The following WIPF3 variants were observed in gnomAD, a reference collection of about 807,000 sequenced individuals.
The protein encoded by WIPF3 is WAS/WASL interacting protein family member 3, also known as WAS/WASL-interacting protein family member 3.
WIPF3 carries 33 observed loss-of-function variants against 38.9 expected under a neutral mutation model. That is an observed-to-expected ratio of 0.85 (90% CI 0.64 to 1.14). WIPF3 has a LOEUF of 1.14. WIPF3 is among the 50% of genes most tolerant of loss of function. The probability of loss-of-function intolerance (pLI) is 0.00; values close to 1 mark genes in which losing one functional copy is unlikely to be tolerated. For synonymous variants in WIPF3, 324 were observed against 269.3 expected (o/e 1.20, Z -1.99); for missense variants, 711 against 652.5 (o/e 1.09, Z -0.98).
intron 7 of WIPF3, among the ~76,000 whole-genome samples, chr7:29,902,578 C>T (rs1474773031): frequency 6.6e-6 from 1 of 152,086 alleles, no homozygotes; most frequent in Non-Finnish European, 1.5e-5. Context: ...TGGCTCATGC[C>T]TATAATCCCA....
Position 29,878,881 on chromosome 7 carries a change from T to G in WIPF3, c.224-128T>G. 1.8e-6 allele frequency: 2 copies of G among 1,086,776 alleles called. No homozygotes were observed. 67.3% of individuals were successfully genotyped at this position (1,086,776 alleles called of 1,614,324 possible). ...GAGGATGCTGAGTGAAAGGATGACATTGGAGGTGGGAGAATGGGAAGGCTG... is the reference window on the plus strand; with the variant it reads ...GAGGATGCTGAGTGAAAGGATGACAGTGGAGGTGGGAGAATGGGAAGGCTG... On this transcript the variant is annotated intron_variant, in intron 3 of 8. Coordinates refer to ENST00000242140, the MANE Select transcript of WIPF3 (RefSeq NM_001080529.3). This position sits in a 1 kb window ranked among gnomAD's most constrained non-coding sequence, Gnocchi z 4.0.
intron 8 of WIPF3, among the ~76,000 whole-genome samples, chr7:29,911,266 T>C (rs780580655): frequency 7.2e-5 from 11 of 152,110 alleles, no homozygotes; most frequent in Non-Finnish European, 1.5e-4. Context: ...AAATAAGACA[T>C]AAATAAATGC....
chr7:29,833,239 A>T (rs1405203726), intron 1 of WIPF3, among the ~76,000 whole-genome samples: 2 of 152,224 alleles, frequency 1.3e-5, no homozygotes, highest in South Asian at 4.1e-4. Context: ...TTGGAAACGG[A>T]TAGTGATGCT....
At chr7:29,862,801 A>G (rs920307847) in intron 2 of WIPF3, among the ~76,000 whole-genome samples, 1 of 152,028 alleles carries the variant, frequency 6.6e-6, no homozygotes, top group Admixed American at 6.6e-5. Flanking sequence ...GCTTCCTTGA[A>G]TCATCCCTCT....
intron 8 of WIPF3, among the ~76,000 whole-genome samples, chr7:29,911,009 G>T (rs1256467322): frequency 6.8e-6 from 1 of 146,114 alleles, no homozygotes; most frequent in African/African-American, 2.5e-5. Flanking sequence ...GTTGTTATAT[G>T]TAGAAAATCC....
At chr7:29,888,877 T>A (rs1785947906) in intron 6 of WIPF3, among the ~76,000 whole-genome samples, 1 of 152,130 alleles carries the variant, frequency 6.6e-6, no homozygotes, top group African/African-American at 2.4e-5. Flanking sequence ...CCCCAGTCAT[T>A]CTGCCCACCT....
chr7:29,829,742 A>G (rs1293423259), intron 1 of WIPF3, among the ~76,000 whole-genome samples: 2 of 152,204 alleles, frequency 1.3e-5, no homozygotes, highest in Non-Finnish European at 2.9e-5. Context: ...GAAAGGTGGA[A>G]GCGGAACCTG....
At chr7:29,894,752 GTCTC>G (rs904946985) in intron 7 of WIPF3, among the ~76,000 whole-genome samples, 2 of 134,758 alleles carry the variant, frequency 1.5e-5, no homozygotes, top group East Asian at 2.1e-4. Context: ...CTTGTTTGCT[GTCTC>G]TCTTTCTGAC....
intron 2 of WIPF3, among the ~76,000 whole-genome samples, chr7:29,851,802 C>T (rs559553028): frequency 6.6e-6 from 1 of 152,240 alleles, no homozygotes; most frequent in East Asian, 1.9e-4. Context: ...CTCTGGGTAA[C>T]CTTGGATTTC....
At position 29,879,121 on chromosome 7, in the gene WIPF3, A is replaced by G; in HGVS notation, c.336A>G (p.Ala112=). Residue 112 remains alanine, a synonymous_variant, in exon 4 of 9, where the codon GCA becomes GCG. Transcript: ENST00000242140. ...GTGGCTTTCCTGTATTGCGACCAGC[A>G]GGCCAGCGGGATGTAGCAGGTAAGG... is the stretch of plus-strand genomic sequence containing the variant. ...FAGGFPVLRP[A]GQRDVAGGKT... 1.2e-6 allele frequency: 2 copies of G among 1,612,118 alleles called. No individual in the cohort carries two copies. The highest frequency in any genetic ancestry group is 2.2e-5 in the East Asian group (1 of 44,856).
At chr7:29,806,717 G>A (rs1784285413) in intron 1 of WIPF3, 39 bp downstream of exon 1, 1 of 151,752 alleles carries the variant, frequency 6.6e-6, no homozygotes, top group African/African-American at 2.4e-5. Context: ...GGTGCCCGAG[G>A]GTGGAAGGAA....
intron 1 of WIPF3, among the ~76,000 whole-genome samples, chr7:29,833,569 A>G (rs1784755092): frequency 6.6e-6 from 1 of 152,224 alleles, no homozygotes; most frequent in Admixed American, 6.5e-5. Context: ...GGTGAGCAAA[A>G]TTCAGTGGAC....
At chr7:29,909,912 A>C (rs1786473708) in intron 8 of WIPF3, among the ~76,000 whole-genome samples, 1 of 151,626 alleles carries the variant, frequency 6.6e-6, no homozygotes, top group African/African-American at 2.4e-5. Context: ...AAAAAGAAAA[A>C]GAAGATAGAG....
In WIPF3 at chr7:29,889,379, G is replaced by A. The variant is rs1410876699; in HGVS notation, c.1323G>A (p.Gln441=). The A allele has an allele frequency of 3.1e-6, 5 of 1,613,808 alleles. No homozygotes were observed. The highest frequency in any genetic ancestry group is 3.4e-6 in the Non-Finnish European group (4 of 1,179,888). The change falls in exon 7 of 9, where the codon CAG becomes CAA. Residue 441 remains glutamine (Q), a synonymous_variant. Coordinates refer to ENST00000242140, the MANE Select transcript of WIPF3 (RefSeq NM_001080529.3). The part of the protein sequence containing the change: ...FPPPDEYKPC[Q]KIYPSKIPRS... ...CTCCGGATGAATATAAACCATGCCA[G>A]AAGATTTACCCCAGCAAGATCCCCA...
intron 2 of WIPF3, among the ~76,000 whole-genome samples, chr7:29,863,108 G>A (rs368835780): frequency 1.3e-5 from 2 of 151,882 alleles, no homozygotes; most frequent in Non-Finnish European, 2.9e-5. Context: ...ACTTTTGCAG[G>A]GGAGGGTAAC....
chr7:29,811,079 C>G (rs1784367160), intron 1 of WIPF3, among the ~76,000 whole-genome samples: 1 of 151,828 alleles, frequency 6.6e-6, no homozygotes, highest in African/African-American at 2.4e-5. Context: ...TTTGTAGAGA[C>G]AGGATCTGAC....
intron 1 of WIPF3, among the ~76,000 whole-genome samples, chr7:29,832,258 C>T (rs1278725881): frequency 1.3e-5 from 2 of 152,188 alleles, no homozygotes; most frequent in Non-Finnish European, 2.9e-5. Flanking sequence ...AGACCCAGTG[C>T]CTCCTGTAAA....
At chr7:29,809,228 G>A (rs777730266) in intron 1 of WIPF3, among the ~76,000 whole-genome samples, 2 of 152,150 alleles carry the variant, frequency 1.3e-5, no homozygotes, top group Admixed American at 6.5e-5. Context: ...AGGTAGAAAC[G>A]TCTTTGTTTT....
intron 2 of WIPF3, among the ~76,000 whole-genome samples, chr7:29,841,089 G>A (rs1373511683): frequency 1.3e-5 from 2 of 152,184 alleles, no homozygotes; most frequent in Non-Finnish European, 2.9e-5. Flanking sequence ...TGGTTACAAG[G>A]TCAGGATTCT....
Sources: allele counts gnomAD v4.1 joint callset (sites outside exome capture counted in the v4.1 genomes callset), GRCh38; gene constraint gnomAD v4.1.1; non-coding constraint Gnocchi (gnomAD v3.1); transcripts MANE v1.5; gene names NCBI Gene and HGNC (gene_info 2026-07-23, HGNC 2026-07-21).